MYO5B: variants seen among roughly 807,000 people sequenced by gnomAD.
The protein encoded by MYO5B is unconventional myosin-Vb.
MYO5B carries 143 observed loss-of-function variants against 229.3 expected under a neutral mutation model. The ratio of observed to expected loss-of-function variants is 0.62; its 90% CI spans 0.54 to 0.72. The LOEUF (loss-of-function observed/expected upper bound fraction) is 0.72. MYO5B is among the 30% of genes least tolerant of loss of function. MYO5B has a pLI of 0.00. For missense variants in MYO5B, 2,321 were observed against 2,331.0 expected, an observed-to-expected ratio of 1.00 and a Z score of 0.09; for synonymous variants, 918 against 885.2, an observed-to-expected ratio of 1.04 and a Z score of -0.66.
At position 49,937,251 on chromosome 18, in the gene MYO5B, G is replaced by A. The variant is rs919360732; in HGVS notation, c.1899C>T (p.Gly633=). The change falls in exon 15 of 40, where the codon GGC becomes GGT. Residue 633 remains glycine, a synonymous_variant. Coordinates refer to ENST00000285039, the MANE Select transcript of MYO5B (RefSeq NM_001080467.3). ...CTTTTGGTCCGGGGCTGACCTGGTG[G>A]CCAACGGTTTTCTTGTGCTCCTTGT... The part of the protein sequence containing the change: ...VSNKEHKKTV[G]HQFRTSLHLL... 6.2e-7 allele frequency: 1 copy of A among 1,613,966 alleles called. No individual in the cohort carries two copies. The highest frequency in any genetic ancestry group is 8.5e-7 in the Non-Finnish European group (1 of 1,179,974).
intron 1 of MYO5B, among the ~76,000 whole-genome samples, chr18:50,157,096 T>G (rs1440860693): frequency 8.6e-5 from 13 of 152,026 alleles, no homozygotes; most frequent in Admixed American, 7.2e-4. Flanking sequence ...TTTTGTTTTT[T>G]TTTTTTGGCT....
chr18:50,007,758 C>T (rs937112955), intron 4 of MYO5B, among the ~76,000 whole-genome samples: 2 of 152,250 alleles, frequency 1.3e-5, no homozygotes, highest in Non-Finnish European at 2.9e-5. Context: ...TGCCTTATGG[C>T]AGCTCATCGA....
At chr18:50,024,632 G>C (rs902747824) in intron 4 of MYO5B, among the ~76,000 whole-genome samples, 1 of 152,052 alleles carries the variant, frequency 6.6e-6, no homozygotes, top group African/African-American at 2.4e-5. Flanking sequence ...CAACATTATC[G>C]ATCTGTAATA....
chr18:49,849,913 C>A (rs866909612), intron 31 of MYO5B: 1 of 497,856 alleles, frequency 2.0e-6, no homozygotes, highest in South Asian at 2.0e-5. Context: ...GGCTCTCTGG[C>A]GCCTTGCTGA....
At chr18:50,173,992 G>A (rs140769006) in intron 1 of MYO5B, among the ~76,000 whole-genome samples, 103 of 152,226 alleles carry the variant, frequency 6.8e-4, no homozygotes, top group African/African-American at 2.4e-3. Flanking sequence ...ATCAGACTGA[G>A]TACAGAAGGT....
chr18:49,982,511 T>C (rs8099383), intron 8 of MYO5B, among the ~76,000 whole-genome samples: 1,882 of 152,300 alleles, frequency 0.012, 39 homozygotes, highest in African/African-American at 0.043. Context: ...CATCCTTTCC[T>C]GCTGTGGGAT....
intron 12 of MYO5B, 94 bp from the exon 13 acceptor site, chr18:49,954,529 G>T (rs2025469882): frequency 2.0e-6 from 3 of 1,510,224 alleles, no homozygotes; most frequent in African/African-American, 1.4e-5. Flanking sequence ...GGCTGGCTCT[G>T]TGAAGGTTGA....
At chr18:50,039,272 AAG>A (rs773073478) in intron 3 of MYO5B, among the ~76,000 whole-genome samples, 1 of 152,130 alleles carries the variant, frequency 6.6e-6, no homozygotes, top group African/African-American at 2.4e-5. Flanking sequence ...ACTCTTTAAA[AAG>A]AGAGAGAGAG....
At chr18:49,843,179 C>T in intron 34 of MYO5B, 62 bp downstream of exon 34, 1 of 1,600,786 alleles carries the variant, frequency 6.2e-7, no homozygotes, top group Non-Finnish European at 8.5e-7. Context: ...AGAGAAGCAA[C>T]AGTAAGGGGC....
chr18:49,946,851 A>G (rs1472234967), intron 14 of MYO5B, among the ~76,000 whole-genome samples: 1 of 152,186 alleles, frequency 6.6e-6, no homozygotes, highest in Non-Finnish European at 1.5e-5. Flanking sequence ...TTCGTATTCT[A>G]TTCAAAATTT....
At chr18:49,900,174 ACATTTGACTAAGCAAGTCTTTTCT>A (rs1255974109) in intron 21 of MYO5B, among the ~76,000 whole-genome samples, 1 of 152,212 alleles carries the variant, frequency 6.6e-6, no homozygotes, top group Non-Finnish European at 1.5e-5. Context: ...TTAACTCACA[ACATTTGACTAAGCAAGTCTTTTCT>A]TCCTGTCAAC....
chr18:49,966,836 T>C (rs2025631298), intron 10 of MYO5B, among the ~76,000 whole-genome samples: 1 of 152,338 alleles, frequency 6.6e-6, no homozygotes, highest in Non-Finnish European at 1.5e-5. Context: ...CAGAAATGAA[T>C]GAGGGGCTCG....
At chr18:50,085,569 A>G (rs1380847206) in intron 1 of MYO5B, among the ~76,000 whole-genome samples, 1 of 152,176 alleles carries the variant, frequency 6.6e-6, no homozygotes, top group Admixed American at 6.5e-5. Context: ...TACTGGGTAT[A>G]TACCCAAAGG....
At position 49,902,824 on chromosome 18, in the gene MYO5B, C is replaced by A; in HGVS notation, c.2581G>T (p.Glu861Ter). ...VRRTYRQVLMEHKATTIQKHV... is the reference protein window; with the variant it reads ...VRRTYRQVLM ...TTCTGGATGGTGGTGGCCTTGTGCT[C>A]CATGAGGACCTGGCGGGAAACAAGG... Residue 861 changes from glutamate (E) to a stop codon, truncating the protein, a stop_gained, in exon 21 of 40, where the codon GAG (glutamate) becomes TAG (stop). Transcript: ENST00000285039. LOFTEE classifies it high-confidence loss of function. 3 of 1,600,286 alleles carry A rather than the reference C, an allele frequency of 1.9e-6. No individual in the cohort carries two copies. Among genetic ancestry groups the A allele is most frequent in the Non-Finnish European group, 2.5e-6 (3 of 1,179,874 alleles).
At chr18:49,902,121 G>A (rs946300489) in intron 21 of MYO5B, among the ~76,000 whole-genome samples, 1 of 152,232 alleles carries the variant, frequency 6.6e-6, no homozygotes, top group South Asian at 2.1e-4. Flanking sequence ...AGCTCTGGAG[G>A]TCAGGAGTCT....
chr18:49,892,005 G>A (rs2144125875), intron 22 of MYO5B, among the ~76,000 whole-genome samples: 1 of 151,538 alleles, frequency 6.6e-6, no homozygotes, highest in African/African-American at 2.4e-5. Context: ...CACCAAGTAA[G>A]CCTTGCTCTG....
chr18:50,161,448 C>G (rs2032764715), intron 1 of MYO5B, among the ~76,000 whole-genome samples: 1 of 145,850 alleles, frequency 6.9e-6, no homozygotes, highest in Non-Finnish European at 1.5e-5. Context: ...GGGACTATAC[C>G]TAAACACCAA....
chr18:50,150,018 C>T lies in MYO5B; in HGVS notation c.27+44749G>A, dbSNP rs868495517. Among the ~76,000 whole-genome samples the T allele has an allele frequency of 1.6e-3, 235 of 149,522 alleles. 1 individual carries two copies. The highest frequency in any genetic ancestry group is 0.015 in the South Asian group (66 of 4,508). ...ACAAACAACCCCATCAAAAAGTGGG[C>T]GAAGGACATGAACAGACACTTCTCA... On this transcript the variant is annotated intron_variant, in intron 1 of 39. Transcript: ENST00000285039.
In MYO5B at chr18:49,965,455, T is replaced by TCACACACACACACACACA. The variant is rs57101973; in HGVS notation, c.1323-2443_1323-2426dup. ...TCTTTTCATACAAACACACTTCTTT[T>TCACACACACACACACACA]CACACACACACACACACACACACAC... On this transcript the variant is annotated intron_variant, in intron 10 of 39. Coordinates refer to ENST00000285039, the MANE Select transcript of MYO5B (RefSeq NM_001080467.3). 2.7e-3 allele frequency among the ~76,000 whole-genome samples: 397 copies of TCACACACACACACACACA among 147,204 alleles called. 3 individuals are homozygous for TCACACACACACACACACA. Among genetic ancestry groups the TCACACACACACACACACA allele is most frequent in the African/African-American group, 9.3e-3 (368 of 39,528 alleles).
Sources: gnomAD v4.1 joint callset for allele counts (sites outside exome capture counted in the v4.1 genomes callset) on GRCh38, gnomAD v4.1.1 for gene constraint, MANE v1.5 for transcripts, NCBI Gene and HGNC (gene_info 2026-07-23, HGNC 2026-07-21) for gene names.